Variants in TPST1 observed in about 807,000 individuals in gnomAD.
The protein encoded by TPST1 is protein-tyrosine sulfotransferase 1.
Under a neutral mutation model 34.8 loss-of-function variants are expected in TPST1, and 20 were observed. The ratio of observed to expected loss-of-function variants is 0.57; its 90% CI spans 0.40 to 0.84. TPST1 has a LOEUF of 0.84. TPST1 is among the 40% of genes least tolerant of loss of function. The pLI is 0.00. For synonymous variants in TPST1, 152 were observed against 159.4 expected (o/e 0.95, Z 0.35); for missense variants, 353 against 455.5 (o/e 0.78, Z 2.05).
At chr7:66,257,833 G>A (rs1790409912) in intron 2 of TPST1, among the ~76,000 whole-genome samples, 1 of 152,152 alleles carries the variant, frequency 6.6e-6, no homozygotes, top group South Asian at 2.1e-4. Flanking sequence ...TCTTTAAAGA[G>A]CCCTTTGTAT....
At chr7:66,356,990 C>A in intron 5 of TPST1, 119 bp downstream of exon 5, 2 of 886,250 alleles carry the variant, frequency 2.3e-6, no homozygotes, top group East Asian at 2.6e-5. Flanking sequence ...TGGAATCCTG[C>A]CTCTTCACTT....
chr7:66,246,611 A>C (rs1230251926), intron 2 of TPST1, among the ~76,000 whole-genome samples: 3 of 152,248 alleles, frequency 2.0e-5, no homozygotes, highest in Admixed American at 6.5e-5. Flanking sequence ...TAGTTTGATT[A>C]GATTTCTCTA....
At position 66,278,462 on chromosome 7, in the gene TPST1, C is replaced by T. The variant is rs117614448; in HGVS notation, c.846-8049C>T. 1.3e-4 allele frequency among the ~76,000 whole-genome samples: 19 copies of T among 151,992 alleles called. No individual in the cohort carries two copies. The East Asian group carries it at 2.5e-3, about 20-fold the overall frequency. ...AGTGAAGATACTCTTCGTGATTCTG[C>T]GAGTCCCATGACAGCATGAGGTAAA... On this transcript the variant is annotated intron_variant, in intron 2 of 5. Coordinates refer to ENST00000304842, the MANE Select transcript of TPST1 (RefSeq NM_003596.4).
At position 66,214,767 on chromosome 7, in the gene TPST1, T is replaced by G. The variant is rs538590106; in HGVS notation, c.-102+9245T>G. Among the ~76,000 whole-genome samples the G allele has an allele frequency of 8.0e-5, 12 of 150,696 alleles. No individual in the cohort carries two copies. In the South Asian group the frequency reaches 2.5e-3, roughly 32 times the overall value. Reference sequence around the variant, plus strand: ...GGGAGGGGAGGCGAGATCCTGCCACTGCACTCCAGCCTGGGCGACAGTGTG... The same window carrying G: ...GGGAGGGGAGGCGAGATCCTGCCACGGCACTCCAGCCTGGGCGACAGTGTG... On this transcript the variant is annotated intron_variant, in intron 1 of 5. Coordinates refer to ENST00000304842, the MANE Select transcript of TPST1 (RefSeq NM_003596.4).
At chr7:66,218,913 C>G (rs1046837034) in intron 1 of TPST1, among the ~76,000 whole-genome samples, 1 of 151,658 alleles carries the variant, frequency 6.6e-6, no homozygotes, top group African/African-American at 2.4e-5. Flanking sequence ...CAGAGTCTGG[C>G]TCTGTCATCT....
chr7:66,230,767 C>A lies in TPST1; in HGVS notation c.-101-9558C>A, dbSNP rs140939016. Among the ~76,000 whole-genome samples, 295 of 152,252 alleles carry A rather than the reference C, an allele frequency of 1.9e-3. 1 individual carries two copies. The highest frequency in any genetic ancestry group is 6.7e-3 in the African/African-American group (279 of 41,542). On this transcript the variant is annotated intron_variant, in intron 1 of 5. Coordinates refer to ENST00000304842, the MANE Select transcript of TPST1 (RefSeq NM_003596.4). ...GGGTTGCCACTGCTGGCTTGGGCAG[C>A]CTGCTTTTTATTCTTTTATCCGGCC...
At chr7:66,306,799 C>T (rs535780764) in intron 3 of TPST1, among the ~76,000 whole-genome samples, 8 of 152,178 alleles carry the variant, frequency 5.3e-5, no homozygotes, top group Admixed American at 5.2e-4. Context: ...TGAAACCTCC[C>T]CCTCCCGGGT....
At chr7:66,355,618 G>C (rs1792566701) in intron 4 of TPST1, among the ~76,000 whole-genome samples, 1 of 150,284 alleles carries the variant, frequency 6.7e-6, no homozygotes. Context: ...AGCTGGGCAG[G>C]GCCAGGCGTG....
chr7:66,256,759 G>C (rs1341653718), intron 2 of TPST1, among the ~76,000 whole-genome samples: 1 of 152,164 alleles, frequency 6.6e-6, no homozygotes, highest in Non-Finnish European at 1.5e-5. Flanking sequence ...GGAACCATCA[G>C]GTGCTATTTT....
intron 1 of TPST1, among the ~76,000 whole-genome samples, chr7:66,219,098 A>G (rs994114034): frequency 7.9e-6 from 1 of 126,896 alleles, no homozygotes; most frequent in African/African-American, 3.0e-5. Flanking sequence ...GGGTTTTGCC[A>G]TGTTGGCCAT....
upstream of TPST1, among the ~76,000 whole-genome samples, chr7:66,203,206 AACACACACAC>A (rs761811361): frequency 6.7e-6 from 1 of 149,206 alleles, no homozygotes; most frequent in East Asian, 2.0e-4. Context: ...TATACACACA[AACACACACAC>A]ACACACACAT....
intron 3 of TPST1, among the ~76,000 whole-genome samples, chr7:66,327,741 G>GTA (rs1309160921): frequency 4.0e-5 from 1 of 24,830 alleles, no homozygotes; most frequent in East Asian, 4.9e-4. Context: ...AAAAAAGTGC[G>GTA]TGTGTGTGTG....
chr7:66,228,851 C>T (rs534755697), intron 1 of TPST1, among the ~76,000 whole-genome samples: 17 of 152,264 alleles, frequency 1.1e-4, no homozygotes, highest in African/African-American at 3.8e-4. Context: ...CTCCTGCCAT[C>T]TGTCTTCCTC....
intron 2 of TPST1, among the ~76,000 whole-genome samples, chr7:66,263,733 G>C (rs1462851859): frequency 6.6e-6 from 1 of 152,200 alleles, no homozygotes; most frequent in Non-Finnish European, 1.5e-5. Flanking sequence ...GAAGCTAGGA[G>C]AGAGGCATTT....
At chr7:66,253,481 A>T (rs1790312120) in intron 2 of TPST1, among the ~76,000 whole-genome samples, 1 of 149,230 alleles carries the variant, frequency 6.7e-6, no homozygotes, top group Non-Finnish European at 1.5e-5. Context: ...AGCGATTCTC[A>T]TGCCTCAATT....
intron 1 of TPST1, 95 bp from the exon 2 acceptor site, chr7:66,240,230 G>A (rs1790000111): frequency 1.5e-6 from 1 of 688,170 alleles, no homozygotes. Context: ...GACTGTTTCA[G>A]CTTCTTTCTA....
chr7:66,294,488 C>T (rs1463855212), intron 3 of TPST1, among the ~76,000 whole-genome samples: 2 of 151,830 alleles, frequency 1.3e-5, no homozygotes, highest in Admixed American at 6.6e-5. Flanking sequence ...ACTTTTATTT[C>T]CCCTTTTCAA....
upstream of TPST1, among the ~76,000 whole-genome samples, chr7:66,202,057 G>GTA (rs1247128870): frequency 2.0e-5 from 3 of 152,052 alleles, no homozygotes; most frequent in Non-Finnish European, 4.4e-5. Context: ...AAGTGTGTGT[G>GTA]TATGTGTATT....
intron 3 of TPST1, among the ~76,000 whole-genome samples, chr7:66,320,123 C>G (rs1308308365): frequency 1.3e-5 from 2 of 152,096 alleles, no homozygotes; most frequent in Non-Finnish European, 2.9e-5. Context: ...ATGTGTTATT[C>G]CTTGCTGAAA....
Sources: allele counts gnomAD v4.1 joint callset (sites outside exome capture counted in the v4.1 genomes callset), GRCh38; gene constraint gnomAD v4.1.1; transcripts MANE v1.5; gene names NCBI Gene and HGNC (gene_info 2026-07-23, HGNC 2026-07-21).